The following ENTREP2 variants were observed in gnomAD, a reference collection of about 807,000 sequenced individuals.
The protein encoded by ENTREP2 is protein ENTREP2.
chr15:29,196,840 G>T, the ENTREP2 span, among the ~76,000 whole-genome samples: 1 of 152,210 alleles, frequency 6.6e-6, no homozygotes, highest in African/African-American at 2.4e-5. Flanking sequence ...ATTACAAAAT[G>T]AGATAAAGGT....
chr15:29,526,508 G>A, the ENTREP2 span, among the ~76,000 whole-genome samples: 1 of 151,952 alleles, frequency 6.6e-6, no homozygotes, highest in Admixed American at 6.6e-5. Context: ...CCATCACCCA[G>A]GCTAGGGTGC....
the ENTREP2 span, among the ~76,000 whole-genome samples, chr15:29,124,412 T>C: frequency 6.6e-6 from 1 of 152,000 alleles, no homozygotes; most frequent in Non-Finnish European, 1.5e-5. Context: ...CATGAGAAAT[T>C]AAGAAACTCC....
the ENTREP2 span, among the ~76,000 whole-genome samples, chr15:29,327,652 G>A: frequency 2.7e-5 from 4 of 150,870 alleles, no homozygotes; most frequent in Non-Finnish European, 4.4e-5. Flanking sequence ...GAAGATACAG[G>A]AACAGCAAAT....
chr15:29,216,138 G>A, the ENTREP2 span, among the ~76,000 whole-genome samples: 4 of 152,110 alleles, frequency 2.6e-5, no homozygotes, highest in Non-Finnish European at 4.4e-5. Flanking sequence ...GCTCCTTTTA[G>A]CAGTTCTTGT....
At chr15:29,361,382 T>C in the ENTREP2 span, among the ~76,000 whole-genome samples, 1 of 152,230 alleles carries the variant, frequency 6.6e-6, no homozygotes, top group Non-Finnish European at 1.5e-5. Context: ...TGGGCCAATG[T>C]ATAAAAAGCA....
At chr15:29,276,621 C>T in the ENTREP2 span, among the ~76,000 whole-genome samples, 1 of 152,206 alleles carries the variant, frequency 6.6e-6, no homozygotes, top group East Asian at 1.9e-4. Context: ...AAAAACCTGC[C>T]TCAGGGCGAA....
At chr15:29,558,639 G>A in the ENTREP2 span, among the ~76,000 whole-genome samples, 2 of 1,342 alleles carry the variant, frequency 1.5e-3, no homozygotes, top group Admixed American at 6.8e-3. Flanking sequence ...ATTTTTTTCA[G>A]TCAAAGTTAC....
chr15:29,658,250 A>G, the ENTREP2 span, among the ~76,000 whole-genome samples: 14 of 151,974 alleles, frequency 9.2e-5, no homozygotes, highest in Non-Finnish European at 2.1e-4. Flanking sequence ...TTCACTGGGC[A>G]CTCATTTTTT....
chr15:29,318,061 C>A, the ENTREP2 span, among the ~76,000 whole-genome samples: 8 of 152,156 alleles, frequency 5.3e-5, no homozygotes, highest in Middle Eastern at 3.4e-3. Context: ...TCCGCGTTTC[C>A]AGAGAGCTCT....
chr15:29,444,854 G>A, the ENTREP2 span, among the ~76,000 whole-genome samples: 1 of 152,166 alleles, frequency 6.6e-6, no homozygotes, highest in Non-Finnish European at 1.5e-5. Context: ...GTCCCTGGAG[G>A]GGGGCACTGG....
chr15:29,354,553 G>A, the ENTREP2 span, among the ~76,000 whole-genome samples: 8 of 152,148 alleles, frequency 5.3e-5, no homozygotes, highest in African/African-American at 1.9e-4. Context: ...CTAGGGGATC[G>A]GGGGTGGGAG....
the ENTREP2 span, among the ~76,000 whole-genome samples, chr15:29,459,510 T>C: frequency 2.0e-5 from 3 of 152,186 alleles, no homozygotes; most frequent in East Asian, 5.8e-4. Flanking sequence ...TCTTCACAGG[T>C]ACAGTAGTTT....
At chr15:29,598,760 G>T in the ENTREP2 span, among the ~76,000 whole-genome samples, 1 of 152,038 alleles carries the variant, frequency 6.6e-6, no homozygotes, top group Admixed American at 6.6e-5. Flanking sequence ...GCAGTGGCGT[G>T]ATCTTGGCTC....
chr15:29,670,507 G>A, the ENTREP2 span, among the ~76,000 whole-genome samples: 1 of 152,210 alleles, frequency 6.6e-6, no homozygotes, highest in Non-Finnish European at 1.5e-5. Flanking sequence ...GACTTACAAT[G>A]CCACCACTTA....
At chr15:29,619,611 G>A in the ENTREP2 span, among the ~76,000 whole-genome samples, 1 of 152,086 alleles carries the variant, frequency 6.6e-6, no homozygotes, top group African/African-American at 2.4e-5. Context: ...AAAAGTGCCT[G>A]TGAAAGACAA....
the ENTREP2 span, among the ~76,000 whole-genome samples, chr15:29,577,288 T>A: frequency 1.3e-5 from 2 of 148,916 alleles, no homozygotes; most frequent in Non-Finnish European, 3.0e-5. Context: ...AATACCCAAA[T>A]GAATTGAAAG....
the ENTREP2 span, among the ~76,000 whole-genome samples, chr15:29,316,719 C>T: frequency 3.9e-5 from 6 of 152,048 alleles, no homozygotes; most frequent in African/African-American, 1.4e-4. Context: ...GTTGAGATAT[C>T]CACAATGTAA....
the ENTREP2 span, among the ~76,000 whole-genome samples, chr15:29,569,203 A>G: frequency 6.6e-6 from 1 of 152,304 alleles, no homozygotes; most frequent in South Asian, 2.1e-4. Flanking sequence ...CTATGACCAC[A>G]CAGTCTGTTG....
At chr15:29,318,476 A>G in the ENTREP2 span, among the ~76,000 whole-genome samples, 2 of 152,092 alleles carry the variant, frequency 1.3e-5, no homozygotes, top group South Asian at 2.1e-4. Context: ...GCCTGCCAGC[A>G]CACCTGGCTA....
Sources: allele counts gnomAD v4.1 joint callset (sites outside exome capture counted in the v4.1 genomes callset), GRCh38; gene constraint gnomAD v4.1.1; transcripts MANE v1.5; gene names NCBI Gene and HGNC (gene_info 2026-07-23, HGNC 2026-07-21).